PTPRD: variants seen among roughly 807,000 people sequenced by gnomAD.
The protein encoded by PTPRD is protein tyrosine phosphatase receptor type D, also known as receptor-type tyrosine-protein phosphatase delta.
Under a neutral mutation model 214.5 loss-of-function variants are expected in PTPRD, and 34 were observed. That is an observed-to-expected ratio of 0.16 (90% CI 0.12 to 0.21). The LOEUF is 0.21. Ranked by LOEUF, PTPRD falls within the 10% of genes least tolerant of loss-of-function variation. PTPRD has a pLI of 1.00. For missense variants in PTPRD, 2,545 were observed against 2,398.7 expected (o/e 1.06, Z -1.27); for synonymous variants, 1,128 against 845.7 (o/e 1.33, Z -5.79).
Position 9,539,834 on chromosome 9 carries a change from T to C in PTPRD, c.-237+34898A>G, listed in dbSNP as rs1168934799. On this transcript the variant is annotated intron_variant, in intron 8 of 45. Transcript: ENST00000381196. ...AACTCTAAGCACATAAAGGTGAATA[T>C]ATAAAAGCAATAAACATTTAGGAAT... Among the ~76,000 whole-genome samples the C allele has an allele frequency of 2.0e-5, 3 of 151,868 alleles. No homozygotes were observed. In the Admixed American group the frequency reaches 2.0e-4, roughly 10 times the overall value.
chr9:10,498,285 G>T (rs1218048293), intron 2 of PTPRD, among the ~76,000 whole-genome samples: 1 of 151,808 alleles, frequency 6.6e-6, no homozygotes, highest in East Asian at 1.9e-4. Context: ...CCTAGAAGGT[G>T]AACAAAACAA....
intron 3 of PTPRD, among the ~76,000 whole-genome samples, chr9:10,170,141 C>T (rs564440191): frequency 6.6e-6 from 1 of 152,224 alleles, no homozygotes; most frequent in African/African-American, 2.4e-5. Flanking sequence ...ATGCATTTAT[C>T]ACATGCAGGC....
At chr9:9,486,147 T>C (rs1206617943) in intron 8 of PTPRD, among the ~76,000 whole-genome samples, 2 of 18,202 alleles carry the variant, frequency 1.1e-4, no homozygotes, top group African/African-American at 5.7e-4. Flanking sequence ...CAAGACTCTC[T>C]CTCAAAAAAA....
At chr9:8,666,210 A>G (rs1403697462) in intron 12 of PTPRD, among the ~76,000 whole-genome samples, 1 of 152,194 alleles carries the variant, frequency 6.6e-6, no homozygotes, top group African/African-American at 2.4e-5. Context: ...GAAAAGTGTC[A>G]ACATTTGAGC....
chr9:9,807,848 A>G (rs1229168046), intron 5 of PTPRD, among the ~76,000 whole-genome samples: 2 of 152,192 alleles, frequency 1.3e-5, no homozygotes, highest in African/African-American at 4.8e-5. Flanking sequence ...GATTTTTCCA[A>G]AACAGATGAT....
At chr9:8,406,608 G>A (rs565783118) in intron 35 of PTPRD, among the ~76,000 whole-genome samples, 7 of 152,132 alleles carry the variant, frequency 4.6e-5, no homozygotes, top group African/African-American at 1.7e-4. Flanking sequence ...TCAGTAAATG[G>A]TCCAACAGAT....
intron 12 of PTPRD, among the ~76,000 whole-genome samples, chr9:8,653,425 A>G (rs1219256285): frequency 2.6e-5 from 4 of 152,134 alleles, no homozygotes; most frequent in African/African-American, 4.8e-5. Context: ...GGGTCAATAT[A>G]AAGGTTCTGC....
At chr9:9,953,345 A>C (rs932047511) in intron 4 of PTPRD, among the ~76,000 whole-genome samples, 4 of 152,176 alleles carry the variant, frequency 2.6e-5, no homozygotes, top group African/African-American at 7.2e-5. Flanking sequence ...AAAAGACTAC[A>C]TACTGGGTAC....
At chr9:9,306,341 A>G (rs1188304641) in intron 9 of PTPRD, among the ~76,000 whole-genome samples, 1 of 151,872 alleles carries the variant, frequency 6.6e-6, no homozygotes, top group Non-Finnish European at 1.5e-5. Context: ...AGGTGGGTGG[A>G]TCACCTGAGG....
At chr9:8,912,535 TG>T (rs1317789956) in intron 11 of PTPRD, among the ~76,000 whole-genome samples, 2 of 152,082 alleles carry the variant, frequency 1.3e-5, no homozygotes, top group African/African-American at 2.4e-5. Context: ...CAGGAACTTT[TG>T]GGGTGGTGGG....
chr9:9,112,823 C>A (rs1408437592), intron 10 of PTPRD, among the ~76,000 whole-genome samples: 1 of 152,052 alleles, frequency 6.6e-6, no homozygotes, highest in Non-Finnish European at 1.5e-5. Flanking sequence ...ATTCATGGGA[C>A]CATAGCAAAT....
intron 5 of PTPRD, among the ~76,000 whole-genome samples, chr9:9,819,159 G>C (rs779091542): frequency 6.6e-6 from 1 of 152,106 alleles, no homozygotes; most frequent in African/African-American, 2.4e-5. Context: ...GATTGGTAAG[G>C]AACACTGACT....
intron 10 of PTPRD, among the ~76,000 whole-genome samples, chr9:9,115,095 G>A (rs1039469956): frequency 6.6e-6 from 1 of 152,028 alleles, no homozygotes; most frequent in Admixed American, 6.6e-5. Context: ...TCTAGTCTAC[G>A]GTGTTGTTGG....
chr9:8,494,846 T>C (rs550205431), intron 26 of PTPRD, among the ~76,000 whole-genome samples: 1 of 152,274 alleles, frequency 6.6e-6, no homozygotes, highest in East Asian at 1.9e-4. Flanking sequence ...TTTCTTTAAG[T>C]GGTGGGTGCA....
At chr9:9,986,549 A>G (rs2095715871) in intron 4 of PTPRD, among the ~76,000 whole-genome samples, 1 of 152,158 alleles carries the variant, frequency 6.6e-6, no homozygotes, top group African/African-American at 2.4e-5. Context: ...GATTAACAAT[A>G]GTTATCTCCC....
intron 11 of PTPRD, among the ~76,000 whole-genome samples, chr9:9,008,549 C>T (rs758678037): frequency 1.3e-5 from 2 of 151,888 alleles, no homozygotes; most frequent in Non-Finnish European, 2.9e-5. Context: ...TTAGTGAAAA[C>T]GCATTCTAGT....
In PTPRD at chr9:9,903,092, C is replaced by T. The variant is rs116120054; in HGVS notation, c.-368+35415G>A. Among the ~76,000 whole-genome samples, 547 of 152,132 alleles carry T rather than the reference C, an allele frequency of 3.6e-3. 4 individuals carry two copies. Among genetic ancestry groups the T allele is most frequent in the African/African-American group, 0.013 (536 of 41,512 alleles). ...TTGAGCTAAAGACATATATTCTTAA[C>T]CACCTGTAGCATGAAATAAGTAATC... On this transcript the variant is annotated intron_variant, in intron 5 of 45. Transcript: ENST00000381196.
At chr9:10,036,905 G>T (rs988993907) in intron 3 of PTPRD, among the ~76,000 whole-genome samples, 4 of 94,066 alleles carry the variant, frequency 4.3e-5, no homozygotes, top group South Asian at 3.5e-4. Flanking sequence ...TATTTATTTA[G>T]ATAGCACCTC....
chr9:9,395,762 A>G (rs2067557025), intron 9 of PTPRD, among the ~76,000 whole-genome samples: 1 of 152,066 alleles, frequency 6.6e-6, no homozygotes, highest in Non-Finnish European at 1.5e-5. Flanking sequence ...GTCAGTAGGA[A>G]TGTGGTACGA....
Sources: gnomAD v4.1 joint callset for allele counts (sites outside exome capture counted in the v4.1 genomes callset) on GRCh38, gnomAD v4.1.1 for gene constraint, MANE v1.5 for transcripts, NCBI Gene and HGNC (gene_info 2026-07-23, HGNC 2026-07-21) for gene names.